Variants in CCPG1 observed in about 807,000 individuals in gnomAD.
The protein encoded by CCPG1 is cell cycle progression 1, also known as cell cycle progression protein 1.
In CCPG1, 46 loss-of-function variants were observed where a neutral mutation model predicts 81.3. That is an observed-to-expected ratio of 0.57 (90% confidence interval 0.45 to 0.72). CCPG1 has a LOEUF of 0.72. Among genes scored for constraint, CCPG1 ranks in the 30% least tolerant of loss-of-function variants. The pLI is 0.00. For synonymous variants in CCPG1, 330 were observed against 305.2 expected, an observed-to-expected ratio of 1.08 and a Z score of -0.85; for missense variants, 902 against 937.6, an observed-to-expected ratio of 0.96 and a Z score of 0.50.
intron 6 of CCPG1, among the ~76,000 whole-genome samples, chr15:55,366,690 T>G (rs2141256500): frequency 6.6e-6 from 1 of 152,232 alleles, no homozygotes; most frequent in Non-Finnish European, 1.5e-5. Flanking sequence ...GAGAATCGCT[T>G]AAACCCGGGA....
Position 55,360,633 on chromosome 15 carries a change from C to T in CCPG1, c.1140G>A (p.Lys380=), listed in dbSNP as rs773020457. 12 of 1,614,018 alleles carry T rather than the reference C, an allele frequency of 7.4e-6. No homozygotes were observed. Among genetic ancestry groups the T allele is most frequent in the African/African-American group, 1.3e-5 (1 of 74,912 alleles). The part of the protein sequence containing the change: ...SQRETLLTEA[K]MLKRELERER... ...CTCTCTCCAGTTCTCTCTTTAGCATCTTTGCTTCTGTCAACAGAGTCTCCC... is the reference window on the plus strand; with the variant it reads ...CTCTCTCCAGTTCTCTCTTTAGCATTTTTGCTTCTGTCAACAGAGTCTCCC... Residue 380 remains lysine (K), a synonymous_variant, in exon 8 of 9, where the codon AAG becomes AAA. Coordinates refer to ENST00000442196, the MANE Select transcript of CCPG1 (RefSeq NM_001204450.2).
intron 2 of CCPG1, among the ~76,000 whole-genome samples, chr15:55,388,450 GAACAC>G (rs1234558388): frequency 6.6e-6 from 1 of 152,136 alleles, no homozygotes; most frequent in African/African-American, 2.4e-5. Context: ...AACGTAAATG[GAACAC>G]ATGTTCTCCA....
intron 1 of CCPG1, among the ~76,000 whole-genome samples, chr15:55,403,092 C>T (rs1034134694): frequency 6.6e-6 from 1 of 152,160 alleles, no homozygotes; most frequent in Non-Finnish European, 1.5e-5. Context: ...ACACTTCAAA[C>T]ATATAAGTGC....
At chr15:55,403,537 T>TG (rs1232136399) in intron 1 of CCPG1, among the ~76,000 whole-genome samples, 2 of 152,164 alleles carry the variant, frequency 1.3e-5, no homozygotes, top group Non-Finnish European at 2.9e-5. Flanking sequence ...AAATACCCTT[T>TG]GGGGGAAAAA....
intron 1 of CCPG1, among the ~76,000 whole-genome samples, chr15:55,390,373 CCACCTGGTTTTTTCTTTTTGTATCTG>C (rs1250043342): frequency 6.6e-6 from 1 of 152,168 alleles, no homozygotes; most frequent in African/African-American, 2.4e-5. Flanking sequence ...AATGGTCACT[CCACCTGGTTTTTTCTTTTTGTATCTG>C]AAACTCCTTT....
intron 1 of CCPG1, among the ~76,000 whole-genome samples, chr15:55,406,215 G>GTTT (rs2057216083): frequency 8.6e-6 from 1 of 116,452 alleles, no homozygotes; most frequent in African/African-American, 3.0e-5. Flanking sequence ...TGGAATTGCT[G>GTTT]CTTTTTTTTT....
intron 7 of CCPG1, among the ~76,000 whole-genome samples, chr15:55,363,325 G>A (rs1196877169): frequency 1.3e-5 from 2 of 151,608 alleles, no homozygotes; most frequent in African/African-American, 4.9e-5. Context: ...CTCCAGCCTG[G>A]GCAACAGAGC....
chr15:55,385,830 AG>A, intron 2 of CCPG1, 116 bp from the exon 3 acceptor site: 1 of 682,908 alleles, frequency 1.5e-6, no homozygotes, highest in Admixed American at 2.2e-5. Flanking sequence ...CATACTCCAA[AG>A]GAACAGTATC....
At chr15:55,369,249 T>C (rs2056397193) in intron 6 of CCPG1, among the ~76,000 whole-genome samples, 1 of 149,910 alleles carries the variant, frequency 6.7e-6, no homozygotes, top group African/African-American at 2.5e-5. Flanking sequence ...AAAAATGTGA[T>C]GTCTTGCCAG....
chr15:55,392,821 T>C (rs369999235), intron 1 of CCPG1, among the ~76,000 whole-genome samples: 3 of 152,310 alleles, frequency 2.0e-5, no homozygotes, highest in African/African-American at 7.2e-5. Flanking sequence ...CTGGTCAGAT[T>C]TGGCCAGGTG....
At chr15:55,392,486 G>A (rs1423266612) in intron 1 of CCPG1, among the ~76,000 whole-genome samples, 2 of 151,124 alleles carry the variant, frequency 1.3e-5, no homozygotes, top group African/African-American at 4.9e-5. Flanking sequence ...CAAAGTGCTG[G>A]GATTACAAGC....
At chr15:55,356,621 A>G (rs2056081771) in intron 8 of CCPG1, 2 of 1,232,694 alleles carry the variant, frequency 1.6e-6, no homozygotes, top group Admixed American at 8.3e-5. Flanking sequence ...CAATAACTCT[A>G]CTGGCAAAAA....
At chr15:55,401,661 G>A (rs1353148189) in intron 1 of CCPG1, among the ~76,000 whole-genome samples, 4 of 67,418 alleles carry the variant, frequency 5.9e-5, no homozygotes, top group Non-Finnish European at 7.9e-5. Context: ...ATGAAACTCC[G>A]TCTCAAAAAA....
rs1308852238 is a variant in CCPG1, at chr15:55,395,787, A to G, written c.-9-6354T>C. On this transcript the variant is annotated intron_variant, in intron 1 of 8. Coordinates refer to ENST00000442196, the MANE Select transcript of CCPG1 (RefSeq NM_001204450.2). ...CCCAACACATATTGAATGAATGCTA[A>G]ATACATATTAAGCAATCAATAAACA... Among the ~76,000 whole-genome samples the G allele has an allele frequency of 2.0e-5, 3 of 152,262 alleles. 1 individual carries two copies. The highest frequency in any genetic ancestry group is 7.2e-5 in the African/African-American group (3 of 41,554).
At chr15:55,400,120 T>C (rs973955795) in intron 1 of CCPG1, among the ~76,000 whole-genome samples, 4 of 147,538 alleles carry the variant, frequency 2.7e-5, no homozygotes, top group East Asian at 4.0e-4. Flanking sequence ...GGCACAAGAA[T>C]TGCTGCTTGA....
chr15:55,388,397 T>G (rs1421465664), intron 2 of CCPG1, among the ~76,000 whole-genome samples: 1 of 152,178 alleles, frequency 6.6e-6, no homozygotes, highest in Non-Finnish European at 1.5e-5. Context: ...TAAAATTCAT[T>G]TTGTGATAGG....
intron 8 of CCPG1, chr15:55,356,685 G>T (rs1389270808): frequency 6.2e-6 from 7 of 1,133,934 alleles, no homozygotes; most frequent in Non-Finnish European, 6.5e-6. Flanking sequence ...AAAATAATGA[G>T]ATGTGTTTCC....
Position 55,360,928 on chromosome 15 carries a change from A to G in CCPG1, c.845T>C (p.Leu282Pro), listed in dbSNP as rs747679608. 8 of 1,540,182 alleles carry G rather than the reference A, an allele frequency of 5.2e-6. No homozygotes were observed. Among genetic ancestry groups the G allele is most frequent in the Middle Eastern group, 3.7e-4 (2 of 5,422 alleles). Residue 282 changes from leucine to proline, a missense_variant, in exon 8 of 9, where the codon CTT becomes CCT. Physicochemically the swap from Leu to Pro is moderately conservative, Grantham distance 98 (BLOSUM62 -3). This residue lies in a region of CCPG1 where 746 missense variants were observed against 728.6 expected (regional missense o/e 1.02). Transcript: ENST00000442196. Reference sequence around the variant, plus strand: ...TTCAGTAAGTGTCCAACACCTTGCAAGATTTTCTTTCAATGACTACATTTT... The same window carrying G: ...TTCAGTAAGTGTCCAACACCTTGCAGGATTTTCTTTCAATGACTACATTTT... The part of the protein sequence containing the change: ...FIDYKSLKEN[L>P]ARCWTLTEAE...
intron 3 of CCPG1, among the ~76,000 whole-genome samples, chr15:55,383,384 C>A (rs543767617): frequency 6.6e-6 from 1 of 152,306 alleles, no homozygotes; most frequent in Non-Finnish European, 1.5e-5. Flanking sequence ...GTAGATGTAG[C>A]ATATTTTTTA....
Sources: allele counts gnomAD v4.1 joint callset (sites outside exome capture counted in the v4.1 genomes callset), GRCh38; gene constraint gnomAD v4.1.1; regional missense constraint gnomAD v4.1.1; transcripts MANE v1.5; gene names NCBI Gene and HGNC (gene_info 2026-07-23, HGNC 2026-07-21).